The following REDIC1 variants were observed in gnomAD, a reference collection of about 807,000 sequenced individuals.
REDIC1 encodes the protein regulator of DNA class I crossover intermediates 1.
chr12:39,743,513 AC>A, the REDIC1 span, among the ~76,000 whole-genome samples: 1 of 152,248 alleles, frequency 6.6e-6, no homozygotes, highest in Non-Finnish European at 1.5e-5. Flanking sequence ...CAAAGCAGTC[AC>A]GTACCAGACT....
chr12:39,745,470 C>A, the REDIC1 span, among the ~76,000 whole-genome samples: 1 of 152,128 alleles, frequency 6.6e-6, no homozygotes, highest in Non-Finnish European at 1.5e-5. Flanking sequence ...TTTTGTATTT[C>A]ATAAAATAGG....
the REDIC1 span, chr12:39,871,866 A>G: frequency 6.2e-7 from 1 of 1,612,630 alleles, no homozygotes; most frequent in South Asian, 1.1e-5. Context: ...CACAAGTGTG[A>G]AAATGAAATT....
the REDIC1 span, among the ~76,000 whole-genome samples, chr12:39,904,049 G>A: frequency 1.3e-5 from 2 of 152,058 alleles, no homozygotes; most frequent in Non-Finnish European, 2.9e-5. Flanking sequence ...CAGTCTTACT[G>A]ATTATACACA....
At chr12:39,889,839 C>CT in the REDIC1 span, among the ~76,000 whole-genome samples, 1 of 152,042 alleles carries the variant, frequency 6.6e-6, no homozygotes, top group Non-Finnish European at 1.5e-5. Context: ...CATAAACAAC[C>CT]TTTTAAAGGC....
chr12:39,713,132 C>G, the REDIC1 span, among the ~76,000 whole-genome samples: 3 of 148,382 alleles, frequency 2.0e-5, no homozygotes, highest in Non-Finnish European at 4.5e-5. Context: ...TGTGCATATA[C>G]GTATATATGT....
the REDIC1 span, among the ~76,000 whole-genome samples, chr12:39,798,175 C>T: frequency 6.6e-6 from 1 of 152,180 alleles, no homozygotes; most frequent in Non-Finnish European, 1.5e-5. Flanking sequence ...CGGACAACAA[C>T]CAGCATTAAC....
At chr12:39,745,960 C>T in the REDIC1 span, 1 of 152,266 alleles carries the variant, frequency 6.6e-6, no homozygotes, top group Non-Finnish European at 1.5e-5. Flanking sequence ...GGTCCGGTTC[C>T]AAGATGGTTG....
chr12:39,901,226 A>C, the REDIC1 span, among the ~76,000 whole-genome samples: 1 of 152,352 alleles, frequency 6.6e-6, no homozygotes, highest in Admixed American at 6.5e-5. Context: ...TAGACCTGAA[A>C]CCATAAAAAC....
chr12:39,725,107 T>A, the REDIC1 span, among the ~76,000 whole-genome samples: 1 of 152,002 alleles, frequency 6.6e-6, no homozygotes, highest in Non-Finnish European at 1.5e-5. Flanking sequence ...ATGAAAAACA[T>A]GAAAGCCACT....
the REDIC1 span, among the ~76,000 whole-genome samples, chr12:39,663,395 T>G: frequency 6.6e-6 from 1 of 152,054 alleles, no homozygotes; most frequent in East Asian, 1.9e-4. Context: ...GTTTTTGACT[T>G]AAAGCCTGCT....
the REDIC1 span, among the ~76,000 whole-genome samples, chr12:39,835,286 A>G: frequency 6.6e-6 from 1 of 151,548 alleles, no homozygotes; most frequent in East Asian, 1.9e-4. Flanking sequence ...ATTGTACATG[A>G]AAGAAAAAGA....
chr12:39,858,609 T>C, the REDIC1 span, among the ~76,000 whole-genome samples: 1 of 152,134 alleles, frequency 6.6e-6, no homozygotes, highest in African/African-American at 2.4e-5. Flanking sequence ...ACACATTTCT[T>C]TTTGTTTGTT....
the REDIC1 span, among the ~76,000 whole-genome samples, chr12:39,832,642 A>G: frequency 6.6e-6 from 1 of 152,104 alleles, no homozygotes; most frequent in Non-Finnish European, 1.5e-5. Context: ...TGAATAAAAC[A>G]GTCACTGCCC....
the REDIC1 span, among the ~76,000 whole-genome samples, chr12:39,785,642 C>A: frequency 4.1e-4 from 63 of 152,260 alleles, no homozygotes; most frequent in African/African-American, 1.3e-3. Context: ...ACAGCTTGCA[C>A]TATGAGCCTG....
the REDIC1 span, among the ~76,000 whole-genome samples, chr12:39,776,907 A>G: frequency 3.5e-4 from 54 of 152,168 alleles, no homozygotes; most frequent in Non-Finnish European, 6.5e-4. Flanking sequence ...AGGTTTTTCT[A>G]TGTTGGCAAC....
chr12:39,834,291 C>T, the REDIC1 span, among the ~76,000 whole-genome samples: 3 of 151,996 alleles, frequency 2.0e-5, no homozygotes, highest in Admixed American at 6.6e-5. Context: ...ACTGAAGGGA[C>T]TAGGCATGAA....
At chr12:39,704,034 C>T in the REDIC1 span, among the ~76,000 whole-genome samples, 1 of 152,208 alleles carries the variant, frequency 6.6e-6, no homozygotes, top group African/African-American at 2.4e-5. Flanking sequence ...ATGTCTAAAA[C>T]ACCAAAAGCA....
chr12:39,699,363 A>G, the REDIC1 span, among the ~76,000 whole-genome samples: 1 of 152,122 alleles, frequency 6.6e-6, no homozygotes, highest in Non-Finnish European at 1.5e-5. Flanking sequence ...AGATCGGGTC[A>G]CTCCCATCCG....
the REDIC1 span, among the ~76,000 whole-genome samples, chr12:39,807,505 T>C: frequency 6.6e-6 from 1 of 152,198 alleles, no homozygotes; most frequent in Non-Finnish European, 1.5e-5. Context: ...TATATAGTTA[T>C]TTCAAAATAA....
Sources: gnomAD v4.1 joint callset for allele counts (sites outside exome capture counted in the v4.1 genomes callset) on GRCh38, gnomAD v4.1.1 for gene constraint, MANE v1.5 for transcripts, NCBI Gene and HGNC (gene_info 2026-07-23, HGNC 2026-07-21) for gene names.